Variants in CACNA1D observed in about 807,000 individuals in gnomAD.
CACNA1D encodes the protein calcium voltage-gated channel subunit alpha1 D, also known as voltage-dependent L-type calcium channel subunit alpha-1D.
In CACNA1D, 55 loss-of-function variants were observed where a neutral mutation model predicts 257.1. The observed-to-expected ratio is 0.21, with a 90% CI of 0.17 to 0.27. The LOEUF (loss-of-function observed/expected upper bound fraction) is 0.27. CACNA1D is among the 10% of genes least tolerant of loss of function. The probability of loss-of-function intolerance (pLI) is 1.00; values close to 1 mark genes in which losing one functional copy is unlikely to be tolerated. For missense variants in CACNA1D, 1,876 were observed against 2,784.0 expected (o/e 0.67, Z 7.34); for synonymous variants, 980 against 1,014.9 (o/e 0.97, Z 0.65).
intron 40 of CACNA1D, among the ~76,000 whole-genome samples, chr3:53,794,821 A>G (rs75664098): frequency 0.012 from 1,795 of 152,336 alleles, 49 homozygotes; most frequent in African/African-American, 0.042. Context: ...TCCTTATGTT[A>G]TGCAAATCAC....
At chr3:53,608,860 A>G (rs1262067075) in intron 3 of CACNA1D, among the ~76,000 whole-genome samples, 1 of 152,104 alleles carries the variant, frequency 6.6e-6, no homozygotes, top group Non-Finnish European at 1.5e-5. Flanking sequence ...TATCCTTTTG[A>G]TATATTATTG....
intron 32 of CACNA1D, among the ~76,000 whole-genome samples, chr3:53,771,316 A>G (rs1237485996): frequency 1.3e-5 from 2 of 152,182 alleles, no homozygotes; most frequent in Non-Finnish European, 2.9e-5. Flanking sequence ...TTATTTGACT[A>G]TTTTTCATTC....
intron 3 of CACNA1D, among the ~76,000 whole-genome samples, chr3:53,531,101 C>T (rs1204239803): frequency 6.7e-6 from 1 of 149,352 alleles, no homozygotes. Context: ...AAGCAGTCCT[C>T]TTGCCTCAGC....
intron 8 of CACNA1D, among the ~76,000 whole-genome samples, chr3:53,676,252 C>T (rs1275663642): frequency 6.6e-6 from 1 of 152,182 alleles, no homozygotes; most frequent in East Asian, 1.9e-4. Flanking sequence ...GCTGGCATGC[C>T]TCCACCTCCG....
chr3:53,769,644 C>T (rs2095355461), intron 30 of CACNA1D, among the ~76,000 whole-genome samples: 1 of 152,212 alleles, frequency 6.6e-6, no homozygotes, highest in Non-Finnish European at 1.5e-5. Context: ...CCTGACTAAG[C>T]CAAGAGAACT....
chr3:53,545,454 G>A (rs760264970), intron 3 of CACNA1D, among the ~76,000 whole-genome samples: 1 of 152,196 alleles, frequency 6.6e-6, no homozygotes, highest in African/African-American at 2.4e-5. Flanking sequence ...TTTTGCCCTT[G>A]TCATGGAACT....
rs1387504834 is a variant in CACNA1D, at chr3:53,764,168, A to G, written c.3870+2087A>G. On this transcript the variant is annotated intron_variant, in intron 30 of 47. Coordinates refer to ENST00000350061, the MANE Select transcript of CACNA1D (RefSeq NM_001128840.3). ...AATTCTACTTCATGTGAAATGTTCC[A>G]TGTGTCAGCTATAAAATTGCCATTC... 6.6e-5 allele frequency among the ~76,000 whole-genome samples: 10 copies of G among 152,192 alleles called. No homozygotes were observed. In the East Asian group the frequency reaches 1.9e-3, roughly 29 times the overall value.
At chr3:53,711,402 A>G (rs1162944282) in intron 9 of CACNA1D, among the ~76,000 whole-genome samples, 1 of 152,248 alleles carries the variant, frequency 6.6e-6, no homozygotes, top group African/African-American at 2.4e-5. Flanking sequence ...TCCCTGGAGT[A>G]GCTGTCAGGC....
At chr3:53,590,787 C>T (rs955637652) in intron 3 of CACNA1D, among the ~76,000 whole-genome samples, 4 of 152,124 alleles carry the variant, frequency 2.6e-5, no homozygotes, top group African/African-American at 9.7e-5. Context: ...CTGGCATTGC[C>T]GAGAGGATCG....
intron 3 of CACNA1D, among the ~76,000 whole-genome samples, chr3:53,592,660 T>C (rs2093320935): frequency 6.6e-6 from 1 of 152,022 alleles, no homozygotes; most frequent in African/African-American, 2.4e-5. Context: ...AGAGTCGTGG[T>C]TGGACTGTGT....
chr3:53,599,213 T>C (rs2093410881), intron 3 of CACNA1D, among the ~76,000 whole-genome samples: 1 of 152,220 alleles, frequency 6.6e-6, no homozygotes, highest in African/African-American at 2.4e-5. Flanking sequence ...TTGAAACATA[T>C]AGGAACCAGA....
intron 3 of CACNA1D, among the ~76,000 whole-genome samples, chr3:53,561,207 A>G (rs930970029): frequency 6.6e-6 from 1 of 152,202 alleles, no homozygotes; most frequent in Non-Finnish European, 1.5e-5. Flanking sequence ...TTCACACTCT[A>G]GGATGGCACA....
At chr3:53,551,861 T>C (rs1211683062) in intron 3 of CACNA1D, among the ~76,000 whole-genome samples, 1 of 152,218 alleles carries the variant, frequency 6.6e-6, no homozygotes, top group Admixed American at 6.5e-5. Flanking sequence ...CAGCAGCTGA[T>C]GGTGAGGTCT....
At chr3:53,764,620 G>A (rs1020818693) in intron 30 of CACNA1D, among the ~76,000 whole-genome samples, 1 of 152,176 alleles carries the variant, frequency 6.6e-6, no homozygotes, top group Admixed American at 6.5e-5. Flanking sequence ...GGGACAGCAC[G>A]CGCCCGGCTT....
chr3:53,658,991 T>C (rs1274523005), intron 4 of CACNA1D, among the ~76,000 whole-genome samples: 1 of 152,210 alleles, frequency 6.6e-6, no homozygotes, highest in Admixed American at 6.5e-5. Context: ...GTCTTGGCAA[T>C]CCAGAGGCAC....
intron 10 of CACNA1D, chr3:53,718,644 A>G: frequency 1.4e-6 from 2 of 1,469,186 alleles, no homozygotes; most frequent in Non-Finnish European, 1.8e-6. Context: ...CCCGTGAAGA[A>G]TGTGGTGGTT....
At chr3:53,671,755 C>A (rs2094325382) in intron 7 of CACNA1D, among the ~76,000 whole-genome samples, 1 of 152,168 alleles carries the variant, frequency 6.6e-6, no homozygotes, top group East Asian at 1.9e-4. Context: ...TGTTCACTTT[C>A]CCTATTTGGC....
At position 53,505,108 on chromosome 3, in the gene CACNA1D, T is replaced by C. The variant is rs540002932; in HGVS notation, c.483+3388T>C. ...TGATGTACCAGGTGCTTTTTATTTG[T>C]TTATTTGTTTTTTTTTTTTTTTTTT... On this transcript the variant is annotated intron_variant, in intron 3 of 47. Coordinates refer to ENST00000350061, the MANE Select transcript of CACNA1D (RefSeq NM_001128840.3). 4.9e-5 allele frequency among the ~76,000 whole-genome samples: 7 copies of C among 142,892 alleles called. No individual in the cohort carries two copies. The East Asian group carries it at 1.4e-3, about 29-fold the overall frequency. 93.7% of individuals were successfully genotyped at this position (142,892 alleles called of 152,430 possible). A position where few individuals can be genotyped will look rare whatever the true frequency, so the allele number is the denominator to read the frequency against.
chr3:53,674,526 T>G (rs1293816440), intron 8 of CACNA1D, among the ~76,000 whole-genome samples: 1 of 152,262 alleles, frequency 6.6e-6, no homozygotes, highest in African/African-American at 2.4e-5. Context: ...TCACTTCCTC[T>G]CTATGGATTG....
Sources: gnomAD v4.1 joint callset for allele counts (sites outside exome capture counted in the v4.1 genomes callset) on GRCh38, gnomAD v4.1.1 for gene constraint, MANE v1.5 for transcripts, NCBI Gene and HGNC (gene_info 2026-07-23, HGNC 2026-07-21) for gene names.